The following H6PD variants were observed in gnomAD, a reference collection of about 807,000 sequenced individuals.
H6PD encodes the protein hexose-6-phosphate dehydrogenase/glucose 1-dehydrogenase, also known as GDH/6PGL endoplasmic bifunctional protein.
In H6PD, 48 loss-of-function variants were observed where a neutral mutation model predicts 61.2. The observed-to-expected ratio is 0.78, with a 90% confidence interval of 0.62 to 1.00. H6PD has a LOEUF of 1.00. Among genes scored for constraint, H6PD ranks in the 50% least tolerant of loss-of-function variants. H6PD has a pLI of 0.00. For synonymous variants in H6PD, 480 were observed against 457.9 expected, an observed-to-expected ratio of 1.05 and a Z score of -0.62; for missense variants, 1,093 against 1,065.0, an observed-to-expected ratio of 1.03 and a Z score of -0.37.
chr1:9,237,236 CTT>C (rs370751354), intron 1 of H6PD, among the ~76,000 whole-genome samples: 53 of 71,066 alleles, frequency 7.5e-4, no homozygotes, highest in Admixed American at 2.4e-3. Context: ...TTTGACTTCT[CTT>C]TTTTTTTTTT....
At chr1:9,242,672 T>G in intron 1 of H6PD, 1 of 985,432 alleles carries the variant, frequency 1.0e-6, no homozygotes, top group Non-Finnish European at 1.2e-6. Flanking sequence ...CCCTTGGGGC[T>G]CCCCCACCTG....
intron 3 of H6PD, 83 bp from the exon 4 acceptor site, chr1:9,261,976 C>G (rs557645473): frequency 4.6e-4 from 643 of 1,385,602 alleles, no homozygotes; most frequent in Non-Finnish European, 6.0e-4. Context: ...AATGTGCGGG[C>G]TGGGGTTTTG....
intron 1 of H6PD, among the ~76,000 whole-genome samples, chr1:9,235,788 T>A (rs1226348843): frequency 6.6e-6 from 1 of 152,076 alleles, no homozygotes; most frequent in Admixed American, 6.5e-5. Flanking sequence ...TTTTTAAACC[T>A]TTTGTAGAGA....
chr1:9,238,834 G>A (rs549599430), intron 1 of H6PD, among the ~76,000 whole-genome samples: 2 of 152,236 alleles, frequency 1.3e-5, no homozygotes, highest in East Asian at 3.9e-4. Context: ...GTGAGGGGTG[G>A]GGTTGGTAGT....
chr1:9,264,043 G>A lies in H6PD; in HGVS notation c.1550G>A (p.Ser517Asn). 1 of 1,614,226 alleles carries A rather than the reference G, an allele frequency of 6.2e-7. No homozygotes were observed. The highest frequency in any genetic ancestry group is 8.5e-7 in the Non-Finnish European group (1 of 1,180,058). The part of the protein sequence containing the change: ...NGRLLDFEFS[S>N]GRLFFSQQQP... ...CGTCTGTTGGACTTTGAGTTCAGTA[G>A]CGGCCGGTTGTTCTTTTCCCAGCAG... The change falls in exon 5 of 5, where the codon AGC (serine) becomes AAC (asparagine). Residue 517 changes from serine (S) to asparagine (N), a missense_variant. Physicochemically the swap from Ser to Asn is conservative, Grantham distance 46. Transcript: ENST00000377403.
At chr1:9,257,198 G>A (rs1178788500) in intron 3 of H6PD, among the ~76,000 whole-genome samples, 5 of 150,404 alleles carry the variant, frequency 3.3e-5, no homozygotes, top group African/African-American at 1.2e-4. Context: ...GGGGTGCAGT[G>A]GCAGGTTCAC....
At position 9,245,250 on chromosome 1, in the gene H6PD, A is replaced by G. The variant is rs148725451; in HGVS notation, c.316A>G (p.Ser106Gly). The stretch of plus-strand genomic sequence containing the variant: ...GCACAAGGATCAGTTCCTGCAGCTG[A>G]GCCAGTACCGCCAACTGAAGACGGC... Reference protein sequence around the residue: ...AEHKDQFLQLSQYRQLKTAED... With the variant: ...AEHKDQFLQLGQYRQLKTAED... Residue 106 changes from serine to glycine, a missense_variant, in exon 2 of 5, where the codon AGC becomes GGC. Physicochemically the swap from Ser to Gly is moderately conservative, Grantham distance 56. Coordinates refer to ENST00000377403, the MANE Select transcript of H6PD (RefSeq NM_004285.4). This position sits in a 1 kb window ranked among gnomAD's most constrained non-coding sequence, Gnocchi z 4.8. 1.6e-4 allele frequency: 266 copies of G among 1,614,062 alleles called. No homozygotes were observed. The highest frequency in any genetic ancestry group is 9.2e-4 in the Admixed American group (55 of 59,996).
chr1:9,258,962 T>A (rs1641622091), intron 3 of H6PD, among the ~76,000 whole-genome samples: 1 of 152,180 alleles, frequency 6.6e-6, no homozygotes, highest in South Asian at 2.1e-4. Flanking sequence ...GATGGTGTTA[T>A]GTTGCTGTTG....
intron 1 of H6PD, among the ~76,000 whole-genome samples, chr1:9,240,628 C>A (rs564324492): frequency 6.6e-6 from 1 of 152,316 alleles, no homozygotes; most frequent in East Asian, 1.9e-4. Flanking sequence ...TGCCCCCTCC[C>A]CTTACAGCTG....
At position 9,265,073 on chromosome 1, in the gene H6PD, C is replaced by T; in HGVS notation, c.*204C>T. On this transcript the variant is annotated 3_prime_UTR_variant, in exon 5 of 5. Coordinates refer to ENST00000377403, the MANE Select transcript of H6PD (RefSeq NM_004285.4). ...GTGTATTGGTGGATAGATGCAGAAA[C>T]AAGGAAGAAATGGAGTCTGCTCCTG... 1.6e-6 allele frequency: 1 copy of T among 636,718 alleles called. No individual in the cohort carries two copies. Among genetic ancestry groups the T allele is most frequent in the Non-Finnish European group, 2.8e-6 (1 of 356,664 alleles). The allele number at this position is 636,718 out of a possible 1,614,324, so 39.4% of individuals were successfully genotyped here.
chr1:9,241,070 G>A (rs1003200603), intron 1 of H6PD, among the ~76,000 whole-genome samples: 2 of 152,196 alleles, frequency 1.3e-5, no homozygotes, highest in Admixed American at 6.5e-5. Flanking sequence ...AGGAACCAGG[G>A]TTGGTTCTCC....
chr1:9,261,963 A>T, intron 3 of H6PD, 96 bp from the exon 4 acceptor site: 6 of 1,239,940 alleles, frequency 4.8e-6, no homozygotes, highest in Non-Finnish European at 7.1e-6. Flanking sequence ...AGGATGCAGG[A>T]TGAATGTGCG....
chr1:9,238,925 G>A (rs190939483), intron 1 of H6PD, among the ~76,000 whole-genome samples: 1 of 152,166 alleles, frequency 6.6e-6, no homozygotes, highest in Non-Finnish European at 1.5e-5. Context: ...CACTATAATA[G>A]AATATCTTCA....
chr1:9,258,683 T>TA (rs1298250479), intron 3 of H6PD, among the ~76,000 whole-genome samples: 1 of 143,884 alleles, frequency 7.0e-6, no homozygotes, highest in African/African-American at 3.0e-5. Flanking sequence ...ACGCTGGTGT[T>TA]ACATTGTTAC....
At chr1:9,252,245 T>C (rs1557742360) in intron 3 of H6PD, among the ~76,000 whole-genome samples, 1 of 152,222 alleles carries the variant, frequency 6.6e-6, no homozygotes, top group South Asian at 2.1e-4. Flanking sequence ...CTCTCACATA[T>C]ACATACACAG....
intron 3 of H6PD, among the ~76,000 whole-genome samples, chr1:9,259,445 G>A (rs1418446154): frequency 6.6e-6 from 1 of 152,180 alleles, no homozygotes; most frequent in Non-Finnish European, 1.5e-5. Flanking sequence ...TTATGTTGCT[G>A]TTAAGCCAGT....
intron 3 of H6PD, among the ~76,000 whole-genome samples, chr1:9,249,815 A>G (rs754492273): frequency 2.0e-5 from 3 of 152,216 alleles, no homozygotes; most frequent in Non-Finnish European, 4.4e-5. Context: ...ATTTACAAAC[A>G]GGTCCTTGAT....
chr1:9,241,397 A>C (rs937177804), intron 1 of H6PD, among the ~76,000 whole-genome samples: 2 of 151,372 alleles, frequency 1.3e-5, no homozygotes, highest in African/African-American at 4.9e-5. Context: ...TGATTTATTT[A>C]TTTATTTTAT....
Position 9,235,050 on chromosome 1 carries a change from C to A in H6PD, c.-27C>A, listed in dbSNP as rs970257090. Reference sequence around the variant, plus strand: ...CCGTGTCCCGGAGGAGCGGCCTGCGCCGCCGCGCGAGAGGAAGTAAGCGCC... The same window carrying A: ...CCGTGTCCCGGAGGAGCGGCCTGCGACGCCGCGCGAGAGGAAGTAAGCGCC... On this transcript the variant is annotated 5_prime_UTR_variant, in exon 1 of 5. Coordinates refer to ENST00000377403, the MANE Select transcript of H6PD (RefSeq NM_004285.4). 1 of 148,266 alleles carries A rather than the reference C, an allele frequency of 6.7e-6. No individual in the cohort carries two copies. Among genetic ancestry groups the A allele is most frequent in the Non-Finnish European group, 1.5e-5 (1 of 66,216 alleles). 9.2% of individuals were successfully genotyped at this position (148,266 alleles called of 1,614,324 possible).
Sources: gnomAD v4.1 joint callset for allele counts (sites outside exome capture counted in the v4.1 genomes callset) on GRCh38, gnomAD v4.1.1 for gene constraint, Gnocchi (gnomAD v3.1) non-coding constraint, MANE v1.5 for transcripts, NCBI Gene and HGNC (gene_info 2026-07-23, HGNC 2026-07-21) for gene names.